The following ENPP2 variants were observed in gnomAD, a reference collection of about 807,000 sequenced individuals.
ENPP2 encodes autotaxin.
Under a neutral mutation model 120.2 loss-of-function variants are expected in ENPP2, and 51 were observed. That is an observed-to-expected ratio of 0.42 (90% CI 0.34 to 0.54). The LOEUF (loss-of-function observed/expected upper bound fraction) is 0.54. Ranked by LOEUF, ENPP2 falls within the 20% of genes least tolerant of loss-of-function variation. ENPP2 has a pLI of 0.04. For missense variants in ENPP2, 920 were observed against 1,066.5 expected, an observed-to-expected ratio of 0.86 and a Z score of 1.91; for synonymous variants, 365 against 366.4, an observed-to-expected ratio of 1.00 and a Z score of 0.04.
chr8:119,571,487 G>C (rs1159275605), intron 19 of ENPP2: 1 of 152,126 alleles, frequency 6.6e-6, no homozygotes, highest in Non-Finnish European at 1.5e-5. Flanking sequence ...AAGACCCCCA[G>C]TGCAGATTCA....
chr8:119,614,559 T>A (rs1815335995), intron 8 of ENPP2, among the ~76,000 whole-genome samples: 1 of 152,226 alleles, frequency 6.6e-6, no homozygotes, highest in Admixed American at 6.5e-5. Context: ...CAGCATTTCC[T>A]CTGCTCTGCT....
At position 119,650,136 on chromosome 8, in the gene ENPP2, G is replaced by A. The variant is rs915250914; in HGVS notation, c.22-11609C>T. On this transcript the variant is annotated intron_variant, in intron 1 of 25. Transcript: ENST00000427067. Reference sequence around the variant, plus strand: ...TAAACGAAATGGGGTATATCCATACGGTGAAATATTACTCAGCAATAAAAA... The same window carrying A: ...TAAACGAAATGGGGTATATCCATACAGTGAAATATTACTCAGCAATAAAAA... 3.3e-5 allele frequency among the ~76,000 whole-genome samples: 5 copies of A among 152,096 alleles called. No individual in the cohort carries two copies. The South Asian group carries it at 6.2e-4, about 19-fold the overall frequency.
intron 24 of ENPP2, among the ~76,000 whole-genome samples, chr8:119,558,878 T>C (rs1176587822): frequency 6.6e-6 from 1 of 152,092 alleles, no homozygotes; most frequent in Non-Finnish European, 1.5e-5. Context: ...CAGTGAACTA[T>C]CCACCAAAGC....
chr8:119,623,588 C>G (rs79889424), intron 3 of ENPP2, among the ~76,000 whole-genome samples: 5,396 of 152,080 alleles, frequency 0.035, 318 homozygotes, highest in African/African-American at 0.12. Context: ...TTTAGAATTA[C>G]CTTTGCATCC....
At chr8:119,585,865 T>C (rs1341991669) in intron 15 of ENPP2, among the ~76,000 whole-genome samples, 1 of 151,976 alleles carries the variant, frequency 6.6e-6, no homozygotes, top group Non-Finnish European at 1.5e-5. Flanking sequence ...CTCCCATTTA[T>C]ACTTTTGACT....
At chr8:119,608,629 G>A (rs1430189851) in intron 8 of ENPP2, among the ~76,000 whole-genome samples, 1 of 152,292 alleles carries the variant, frequency 6.6e-6, no homozygotes, top group Non-Finnish European at 1.5e-5. Flanking sequence ...TAAGATATAG[G>A]AGTTTAGAAC....
chr8:119,565,071 G>A, intron 22 of ENPP2, 116 bp from the exon 23 acceptor site: 1 of 787,370 alleles, frequency 1.3e-6, no homozygotes, highest in Non-Finnish European at 2.0e-6. Context: ...AGAGACAAGA[G>A]AGCTGTCGTG....
At chr8:119,559,343 T>C (rs537150809) in intron 24 of ENPP2, among the ~76,000 whole-genome samples, 16 of 152,334 alleles carry the variant, frequency 1.1e-4, no homozygotes, top group African/African-American at 3.6e-4. Context: ...TTTTTTTCTT[T>C]GTAAATGCAG....
At chr8:119,601,196 T>C (rs1814279131) in intron 10 of ENPP2, among the ~76,000 whole-genome samples, 2 of 152,226 alleles carry the variant, frequency 1.3e-5, no homozygotes, top group South Asian at 4.1e-4. Flanking sequence ...AATTAATAGC[T>C]GCAGTAATCC....
intron 2 of ENPP2, among the ~76,000 whole-genome samples, chr8:119,636,564 A>G (rs1817011827): frequency 6.6e-6 from 1 of 152,232 alleles, no homozygotes; most frequent in Non-Finnish European, 1.5e-5. Context: ...CGTGTAGCCC[A>G]CTTAAGACCA....
intron 5 of ENPP2, 92 bp from the exon 6 acceptor site, chr8:119,617,655 A>G: frequency 1.1e-6 from 1 of 931,004 alleles, no homozygotes; most frequent in Non-Finnish European, 1.7e-6. Context: ...AATAATTTCC[A>G]AGAAAAAATT....
At chr8:119,637,685 T>G (rs1373152913) in intron 2 of ENPP2, among the ~76,000 whole-genome samples, 1 of 152,178 alleles carries the variant, frequency 6.6e-6, no homozygotes, top group Non-Finnish European at 1.5e-5. Context: ...AGCTCCAATT[T>G]CCAGGAAATT....
chr8:119,598,237 T>C (rs1814041263), intron 11 of ENPP2, among the ~76,000 whole-genome samples: 1 of 152,156 alleles, frequency 6.6e-6, no homozygotes, highest in African/African-American at 2.4e-5. Flanking sequence ...AATCTGAAAA[T>C]ATCCTTTGCC....
intron 4 of ENPP2, among the ~76,000 whole-genome samples, chr8:119,620,159 C>T (rs1252195189): frequency 6.6e-6 from 1 of 152,190 alleles, no homozygotes; most frequent in African/African-American, 2.4e-5. Context: ...CCAGAGCACA[C>T]ACGTGGGCCT....
chr8:119,657,681 G>A (rs552200150), intron 1 of ENPP2, among the ~76,000 whole-genome samples: 1 of 152,324 alleles, frequency 6.6e-6, no homozygotes, highest in African/African-American at 2.4e-5. Flanking sequence ...AACCAGGCTT[G>A]TGACCTGGAC....
intron 20 of ENPP2, 120 bp from the exon 21 acceptor site, chr8:119,569,490 A>AT (rs1247602039): frequency 2.2e-6 from 2 of 890,360 alleles, no homozygotes; most frequent in Non-Finnish European, 3.2e-6. Context: ...CCTTTTTTAA[A>AT]TTTTTTATCT....
intron 12 of ENPP2, chr8:119,593,019 T>A: frequency 1.1e-6 from 1 of 935,370 alleles, no homozygotes; most frequent in Non-Finnish European, 1.3e-6. Flanking sequence ...ACTGTTTCAA[T>A]CTAATAGTTC....
chr8:119,621,431 C>G lies in ENPP2; in HGVS notation c.381G>C (p.Arg127Ser). The G allele has an allele frequency of 1.2e-6, 2 of 1,613,596 alleles. No homozygotes were observed. The highest frequency in any genetic ancestry group is 4.5e-5 in the East Asian group (2 of 44,848). The change falls in exon 4 of 25, where the codon AGG (arginine) becomes AGC (serine). Residue 127 changes from arginine to serine, a missense_variant. Arg to Ser is a moderately radical substitution (Grantham distance 110, BLOSUM62 -1). Coordinates refer to ENST00000075322, the MANE Select transcript of ENPP2 (RefSeq NM_001040092.3). ...CTTGGTAATTGGTACAGCAGTCTCC[C>G]CTGGCCAAGCAGTCCTCTGAGCAGT... ...ACHCSEDCLA[R>S]GDCCTNYQVV...
At chr8:119,615,789 T>C (rs1369480032) in intron 8 of ENPP2, among the ~76,000 whole-genome samples, 1 of 152,208 alleles carries the variant, frequency 6.6e-6, no homozygotes, top group East Asian at 1.9e-4. Flanking sequence ...TCTTTTTTAT[T>C]ATACGCCTAA....
Sources: gnomAD v4.1 joint callset for allele counts (sites outside exome capture counted in the v4.1 genomes callset) on GRCh38, gnomAD v4.1.1 for gene constraint, MANE v1.5 for transcripts, NCBI Gene and HGNC (gene_info 2026-07-23, HGNC 2026-07-21) for gene names.